Variants in RNF213 observed in about 807,000 individuals in gnomAD.
RNF213 encodes ring finger protein 213.
Under a neutral mutation model 514.4 loss-of-function variants are expected in RNF213, and 341 were observed. The ratio of observed to expected loss-of-function variants is 0.66; its 90% CI spans 0.61 to 0.73. RNF213 has a LOEUF of 0.73. RNF213 is among the 30% of genes least tolerant of loss of function. The pLI, the probability that RNF213 is intolerant of heterozygous loss-of-function variation, is 0.00. For synonymous variants in RNF213, 2,655 were observed against 2,658.2 expected (o/e 1.00, Z 0.04); for missense variants, 5,767 against 6,615.6 (o/e 0.87, Z 4.45).
intron 60 of RNF213, 25 bp downstream of exon 60, chr17:80,385,196 A>G: frequency 6.2e-7 from 1 of 1,613,892 alleles, no homozygotes. Context: ...TGACAGGACC[A>G]GGACTGTCCC....
chr17:80,328,897 C>A (rs140521485), intron 20 of RNF213, among the ~76,000 whole-genome samples: 1 of 152,188 alleles, frequency 6.6e-6, no homozygotes, highest in East Asian at 1.9e-4. Flanking sequence ...CGAAAGAAAC[C>A]GTCATCATTT....
Position 80,363,655 on chromosome 17 carries a change from G to T in RNF213, c.11615G>T (p.Arg3872Ile), listed in dbSNP as rs2079139964. The change falls in exon 41 of 68, where the codon AGA (arginine) becomes ATA (isoleucine). Residue 3872 changes from arginine (R) to isoleucine (I), a missense_variant. Physicochemically the swap from Arg to Ile is moderately conservative, Grantham distance 97. Transcript: ENST00000582970. ...ATGGCCTGCACGGAGATGCTGACAA[G>T]AAACACCCTGAAGCCCAGTCCCCAG... Reference protein sequence around the residue: ...AAMACTEMLTRNTLKPSPQAW... With the variant: ...AAMACTEMLTINTLKPSPQAW... 1 of 1,614,088 alleles carries T rather than the reference G, an allele frequency of 6.2e-7. No homozygotes were observed. Among genetic ancestry groups the T allele is most frequent in the Non-Finnish European group, 8.5e-7 (1 of 1,180,022 alleles).
rs397968636 is a variant in RNF213 at position 80,374,004 on chromosome 17, CAAAAAAA to C, written c.12943-440_12943-434del. On this transcript the variant is annotated intron_variant, in intron 49 of 67. Coordinates refer to ENST00000582970, the MANE Select transcript of RNF213 (RefSeq NM_001256071.3). ...TGGGCGATAGAGCGAGACTCCGTCTCAAAAAAAAAAAAAAAAAAAAGAGGCTTCAAGG... is the reference window on the plus strand; with the variant it reads ...TGGGCGATAGAGCGAGACTCCGTCTCAAAAAAAAAAAAAGAGGCTTCAAGG... Among the ~76,000 whole-genome samples the C allele has an allele frequency of 4.2e-5, 4 of 96,208 alleles. No individual in the cohort carries two copies. In the East Asian group the frequency reaches 8.9e-4, roughly 22 times the overall value. The allele number at this position is 96,208 out of a possible 152,430, so 63.1% of individuals were successfully genotyped here.
rs1217175114 is a variant in RNF213, at chr17:80,367,941, T to G, written c.11973-20T>G. 2 of 1,614,236 alleles carry G rather than the reference T, an allele frequency of 1.2e-6. No homozygotes were observed. Among genetic ancestry groups the G allele is most frequent in the South Asian group, 2.2e-5 (2 of 91,082 alleles). On this transcript the variant is annotated intron_variant, in intron 43 of 67. Coordinates refer to ENST00000582970, the MANE Select transcript of RNF213 (RefSeq NM_001256071.3). ...GCCAGTTTCTCTGCTTCAGAACTGA[T>G]TGCCCTTCTTGGATTCTAGGTTTGG...
rs767955326 is a variant in RNF213 at position 80,353,696 on chromosome 17, G to A, written c.10578+30G>A. ...GTTCTGGTTCTTGGGACCTCCCCTT[G>A]TGCTGCTGGTGATGCTTCTGAGCTG... is the stretch of plus-strand genomic sequence containing the variant. On this transcript the variant is annotated intron_variant, in intron 34 of 67. Coordinates refer to ENST00000582970, the MANE Select transcript of RNF213 (RefSeq NM_001256071.3). This position sits in a 1 kb window ranked among gnomAD's most constrained non-coding sequence, Gnocchi z 5.0. 1.9e-6 allele frequency: 3 copies of A among 1,614,054 alleles called. No homozygotes were observed. Among genetic ancestry groups the A allele is most frequent in the Non-Finnish European group, 2.5e-6 (3 of 1,179,884 alleles).
rs779985570 is a variant in RNF213, at chr17:80,376,495, A to T, written c.13380A>T (p.Glu4460Asp). 2 of 1,614,028 alleles carry T rather than the reference A, an allele frequency of 1.2e-6. No homozygotes were observed. Among genetic ancestry groups the T allele is most frequent in the East Asian group, 4.5e-5 (2 of 44,868 alleles). Residue 4460 changes from glutamate to aspartate, a missense_variant, in exon 52 of 68, where the codon GAA becomes GAT. Glu to Asp is a conservative substitution (Grantham distance 45). Around this residue, in one of 13 missense-constraint regions of RNF213, gnomAD observed 1,245 missense variants for 1,339.0 expected, o/e 0.93. Transcript: ENST00000582970. Reference protein sequence around the residue: ...AAAVLLCGQNELLEPLKNLAF... With the variant: ...AAAVLLCGQNDLLEPLKNLAF... The stretch of plus-strand genomic sequence containing the variant: ...CCGTCCTTCTGTGTGGACAGAATGA[A>T]CTCTTGGAGCCCCTAAAGAATCTGG...
rs1309182336 is a variant in RNF213, at chr17:80,336,131, C to T, written c.4310-30C>T. The T allele has an allele frequency of 2.6e-6, 4 of 1,517,174 alleles. No homozygotes were observed. The Admixed American group carries it at 7.9e-5, about 30-fold the overall frequency. The allele number at this position is 1,517,174 out of a possible 1,614,324, so 94.0% of individuals were successfully genotyped here. ...GTCTTGTGCTATCGTGGAATAGTCC[C>T]ACGCTGAACTCCCCTCTTCTCTTCC... is the stretch of plus-strand genomic sequence containing the variant. On this transcript the variant is annotated intron_variant, in intron 22 of 67. Coordinates refer to ENST00000582970, the MANE Select transcript of RNF213 (RefSeq NM_001256071.3).
chr17:80,290,829 A>T, intron 7 of RNF213, 101 bp downstream of exon 7: 1 of 1,296,798 alleles, frequency 7.7e-7, no homozygotes. Flanking sequence ...TTTTTTTCTG[A>T]GACGGAGTCT....
intron 17 of RNF213, 61 bp from the exon 18 acceptor site, chr17:80,324,969 T>C (rs1298496921): frequency 5.4e-6 from 8 of 1,483,136 alleles, no homozygotes; most frequent in Non-Finnish European, 6.4e-6. Context: ...TTGCTTTTGT[T>C]ATTTCAAAAC....
intron 15 of RNF213, among the ~76,000 whole-genome samples, chr17:80,313,710 A>AC (rs2045671084): frequency 2.2e-5 from 1 of 44,750 alleles, no homozygotes. Flanking sequence ...GATGGTGGTG[A>AC]TGGAGGTGGT....
chr17:80,356,922 G>GTT (rs1568125877), intron 36 of RNF213, among the ~76,000 whole-genome samples: 21 of 80,730 alleles, frequency 2.6e-4, no homozygotes, highest in African/African-American at 1.1e-3. Context: ...TACCTTGTGG[G>GTT]GTTTTTTTTT....
In RNF213 at chr17:80,313,180, C is replaced by T. The variant is rs758521972; in HGVS notation, c.2811+13C>T. ...CAAGGAAATTGAGGTAGGCATTTGG[C>T]CGAAGGCTTCTGGGTAGGGATGTGA... On this transcript the variant is annotated intron_variant, in intron 15 of 67. Coordinates refer to ENST00000582970, the MANE Select transcript of RNF213 (RefSeq NM_001256071.3). The T allele has an allele frequency of 6.2e-7, 1 of 1,613,946 alleles. No individual in the cohort carries two copies. Among genetic ancestry groups the T allele is most frequent in the South Asian group, 1.1e-5 (1 of 91,084 alleles).
intron 1 of RNF213, among the ~76,000 whole-genome samples, chr17:80,261,874 G>A (rs9914925): frequency 0.019 from 2,907 of 152,264 alleles, 76 homozygotes; most frequent in African/African-American, 0.063. Context: ...AAAATTAGCC[G>A]GGTGTGGTGG....
chr17:80,375,917 G>A, intron 51 of RNF213, 47 bp downstream of exon 51: 2 of 1,307,432 alleles, frequency 1.5e-6, no homozygotes, highest in Non-Finnish European at 2.2e-6. Flanking sequence ...AGTATTTGGA[G>A]GGATTTTATT....
At position 80,377,557 on chromosome 17, in the gene RNF213, TAGACTC is replaced by T. The variant is rs1222737163; in HGVS notation, c.13511-200_13511-195del. On this transcript the variant is annotated intron_variant, in intron 53 of 67. Coordinates refer to ENST00000582970, the MANE Select transcript of RNF213 (RefSeq NM_001256071.3). This position sits in a 1 kb window ranked among gnomAD's most constrained non-coding sequence, Gnocchi z 4.1. The stretch of plus-strand genomic sequence containing the variant: ...CTTTACTTGATAAAATTAATAAAAT[TAGACTC>T]AGACATTTTTCACTGACAACATACA... 16 of 653,704 alleles carry T rather than the reference TAGACTC, an allele frequency of 2.4e-5. No individual in the cohort carries two copies. Among genetic ancestry groups the T allele is most frequent in the South Asian group, 1.0e-4 (6 of 58,034 alleles). 40.5% of individuals were successfully genotyped at this position (653,704 alleles called of 1,614,324 possible).
chr17:80,287,711 C>A, intron 3 of RNF213, 104 bp from the exon 4 acceptor site: 2 of 1,221,060 alleles, frequency 1.6e-6, no homozygotes, highest in Non-Finnish European at 2.4e-6. Context: ...TTTGGTCGAG[C>A]CAAGCTTGAT....
At chr17:80,378,009 C>T (rs1219588778) in intron 54 of RNF213, among the ~76,000 whole-genome samples, 1 of 152,192 alleles carries the variant, frequency 6.6e-6, no homozygotes, top group Non-Finnish European at 1.5e-5. Context: ...GGACGTGGCT[C>T]TGCGGCGTGG....
intron 44 of RNF213, 42 bp from the exon 45 acceptor site, chr17:80,369,460 G>A (rs2079424682): frequency 1.9e-6 from 3 of 1,573,692 alleles, no homozygotes; most frequent in African/African-American, 2.7e-5. Flanking sequence ...GGAGGCATTT[G>A]GGAAACACCA....
chr17:80,277,641 C>G (rs1163235530), intron 3 of RNF213, among the ~76,000 whole-genome samples: 1 of 147,000 alleles, frequency 6.8e-6, no homozygotes, highest in Non-Finnish European at 1.5e-5. Context: ...CATATCCACA[C>G]ATGAGAGAAG....
Sources: gnomAD v4.1 joint callset for allele counts (sites outside exome capture counted in the v4.1 genomes callset) on GRCh38, gnomAD v4.1.1 for gene constraint, gnomAD v4.1.1 regional missense constraint, Gnocchi (gnomAD v3.1) non-coding constraint, MANE v1.5 for transcripts, NCBI Gene and HGNC (gene_info 2026-07-23, HGNC 2026-07-21) for gene names.